NEO1: variants seen among roughly 807,000 people sequenced by gnomAD.
The protein encoded by NEO1 is neogenin 1.
A neutral mutation model predicts 159.7 loss-of-function variants in NEO1; 63 were observed. The observed-to-expected ratio is 0.39, with a 90% CI of 0.32 to 0.49. The LOEUF is 0.49. Ranked by LOEUF, NEO1 falls within the 20% of genes least tolerant of loss-of-function variation. The probability of loss-of-function intolerance (pLI) is 0.85; values close to 1 mark genes in which losing one functional copy is unlikely to be tolerated. For synonymous variants in NEO1, 633 were observed against 662.0 expected (o/e 0.96, Z 0.67); for missense variants, 1,615 against 1,831.0 (o/e 0.88, Z 2.15).
At chr15:73,118,949 T>G (rs1342653280) in intron 2 of NEO1, among the ~76,000 whole-genome samples, 2 of 152,214 alleles carry the variant, frequency 1.3e-5, no homozygotes, top group Non-Finnish European at 2.9e-5. Context: ...TCTTTATTTC[T>G]GTAAAACAGA....
chr15:73,304,566 A>G lies in NEO1; in HGVS notation c.*1870A>G, dbSNP rs1030073132. ...GGGCAATGAAAGGTGCAATGCAGGA[A>G]CTGCTGCTGCCGAGCTCGCTGGTCA... is the stretch of plus-strand genomic sequence containing the variant. On this transcript the variant is annotated 3_prime_UTR_variant, in exon 29 of 29. Coordinates refer to ENST00000261908, the MANE Select transcript of NEO1 (RefSeq NM_002499.4). The G allele has an allele frequency of 6.6e-6, 1 of 152,240 alleles. No individual in the cohort carries two copies. Among genetic ancestry groups the G allele is most frequent in the African/African-American group, 2.4e-5 (1 of 41,454 alleles). The allele number at this position is 152,240 out of a possible 1,614,324, so 9.4% of individuals were successfully genotyped here.
intron 5 of NEO1, among the ~76,000 whole-genome samples, chr15:73,164,483 G>A (rs1468917930): frequency 6.6e-6 from 1 of 152,082 alleles, no homozygotes; most frequent in Non-Finnish European, 1.5e-5. Flanking sequence ...CCAAAGTGCT[G>A]GAATTACAGG....
At chr15:73,118,995 C>CTGTGTG (rs143254969) in intron 2 of NEO1, among the ~76,000 whole-genome samples, 23 of 150,438 alleles carry the variant, frequency 1.5e-4, no homozygotes, top group African/African-American at 4.9e-4. Flanking sequence ...ATAGGATACA[C>CTGTGTG]TGTGTGTGTG....
At chr15:73,174,933 T>C (rs1174619460) in intron 5 of NEO1, among the ~76,000 whole-genome samples, 1 of 152,204 alleles carries the variant, frequency 6.6e-6, no homozygotes, top group Non-Finnish European at 1.5e-5. Context: ...TGAATGTATG[T>C]TGTTTCCTAA....
intron 5 of NEO1, among the ~76,000 whole-genome samples, chr15:73,150,289 C>G (rs1309844583): frequency 6.6e-6 from 1 of 152,050 alleles, no homozygotes; most frequent in Non-Finnish European, 1.5e-5. Context: ...TTTCAGAATA[C>G]AGTGCTTTTC....
At position 73,298,336 on chromosome 15, in the gene NEO1, T is replaced by A; in HGVS notation, c.3902-12T>A. ...CAAAAGAAATGCTAACATTTAGACT[T>A]TCCTGCTGTAGAATCCGTTCGAAAT... On this transcript the variant is annotated splice_polypyrimidine_tract_variant and intron_variant, in intron 26 of 28. Coordinates refer to ENST00000261908, the MANE Select transcript of NEO1 (RefSeq NM_002499.4). The A allele has an allele frequency of 6.2e-7, 1 of 1,613,000 alleles. No homozygotes were observed. The highest frequency in any genetic ancestry group is 8.5e-7 in the Non-Finnish European group (1 of 1,179,024).
chr15:73,195,216 A>G (rs1384450183), intron 7 of NEO1, among the ~76,000 whole-genome samples: 4 of 152,246 alleles, frequency 2.6e-5, no homozygotes, highest in African/African-American at 9.6e-5. Flanking sequence ...GTTATAAAGA[A>G]AGAATCTATT....
intron 23 of NEO1, among the ~76,000 whole-genome samples, chr15:73,288,066 G>A (rs1402008936): frequency 6.6e-6 from 1 of 152,060 alleles, no homozygotes; most frequent in African/African-American, 2.4e-5. Context: ...TCACAAGGCA[G>A]GATTCAAACA....
chr15:73,299,123 C>T (rs1417154243), intron 27 of NEO1, among the ~76,000 whole-genome samples: 1 of 152,188 alleles, frequency 6.6e-6, no homozygotes, highest in Non-Finnish European at 1.5e-5. Context: ...GGCATGCTTG[C>T]TTTCTGCTCT....
chr15:73,125,096 CAAAAG>C (rs2030005759), intron 3 of NEO1, among the ~76,000 whole-genome samples: 1 of 152,146 alleles, frequency 6.6e-6, no homozygotes, highest in Non-Finnish European at 1.5e-5. Flanking sequence ...TTTGTAGTGT[CAAAAG>C]GTGAGATCAC....
intron 5 of NEO1, among the ~76,000 whole-genome samples, chr15:73,149,943 A>C (rs2033239940): frequency 6.6e-6 from 1 of 152,228 alleles, no homozygotes; most frequent in South Asian, 2.1e-4. Flanking sequence ...GCTATCAAAC[A>C]CAGAAACTTA....
At chr15:73,144,230 T>G (rs796580565) in intron 5 of NEO1, among the ~76,000 whole-genome samples, 13 of 152,350 alleles carry the variant, frequency 8.5e-5, no homozygotes, top group African/African-American at 3.1e-4. Flanking sequence ...AATTGCCACC[T>G]TCACATGCAT....
At chr15:73,288,195 G>A in intron 23 of NEO1, 118 bp from the exon 24 acceptor site, 1 of 872,900 alleles carries the variant, frequency 1.1e-6, no homozygotes, top group South Asian at 1.6e-5. Context: ...TATGTTTTTA[G>A]TTTTTGCTTT....
intron 7 of NEO1, among the ~76,000 whole-genome samples, chr15:73,208,094 T>C (rs186966981): frequency 1.5e-3 from 233 of 152,356 alleles, no homozygotes; most frequent in African/African-American, 5.3e-3. Context: ...GATTACAATA[T>C]GGAAGGTGAT....
Position 73,266,201 on chromosome 15 carries a change from A to T in NEO1, c.2399-115A>T, listed in dbSNP as rs191960758. 4.8e-3 allele frequency: 3,483 copies of T among 718,992 alleles called. 30 individuals carry two copies. Among genetic ancestry groups the T allele is most frequent in the Non-Finnish European group, 3.9e-3 (1,750 of 448,498 alleles). 44.5% of individuals were successfully genotyped at this position (718,992 alleles called of 1,614,324 possible). A position where few individuals can be genotyped will look rare whatever the true frequency, so the allele number is the denominator to read the frequency against. On this transcript the variant is annotated intron_variant, in intron 15 of 28. Transcript: ENST00000261908. The stretch of plus-strand genomic sequence containing the variant: ...CAACCTGAAATAATCCCCCATAAAA[A>T]TTTTTAAAGTTGTCTTTCTTGAATT...
chr15:73,108,893 A>G (rs1341440816), intron 1 of NEO1, among the ~76,000 whole-genome samples: 4 of 152,122 alleles, frequency 2.6e-5, no homozygotes, highest in Non-Finnish European at 5.9e-5. Context: ...TGTTCAAGAG[A>G]CTGAATAATG....
chr15:73,052,864 G>A (rs1567084234), intron 1 of NEO1, 59 bp downstream of exon 1: 2 of 247,734 alleles, frequency 8.1e-6, no homozygotes, highest in South Asian at 2.8e-4. Context: ...TCAGGCGGCC[G>A]CGGCTGCGGT....
At chr15:73,075,507 G>A (rs2068727511) in intron 1 of NEO1, among the ~76,000 whole-genome samples, 2 of 152,128 alleles carry the variant, frequency 1.3e-5, no homozygotes, top group African/African-American at 2.4e-5. Flanking sequence ...GATCCATCAC[G>A]AGGCAGACAT....
intron 5 of NEO1, among the ~76,000 whole-genome samples, chr15:73,137,460 A>C (rs889942691): frequency 6.6e-6 from 1 of 152,118 alleles, no homozygotes; most frequent in African/African-American, 2.4e-5. Context: ...ATTTTTTTTG[A>C]GACAGGGTCT....
Sources: allele counts gnomAD v4.1 joint callset (sites outside exome capture counted in the v4.1 genomes callset), GRCh38; gene constraint gnomAD v4.1.1; transcripts MANE v1.5; gene names NCBI Gene and HGNC (gene_info 2026-07-23, HGNC 2026-07-21).